DCC: variants seen among roughly 807,000 people sequenced by gnomAD.
DCC encodes netrin receptor DCC.
DCC carries 58 observed loss-of-function variants against 172.5 expected under a neutral mutation model. That is an observed-to-expected ratio of 0.34 (90% CI 0.27 to 0.42). The LOEUF (loss-of-function observed/expected upper bound fraction) is 0.42, where lower values mean the gene tolerates loss of function less well. Among genes scored for constraint, DCC ranks in the 10% least tolerant of loss-of-function variants. The pLI, the probability that DCC is intolerant of heterozygous loss-of-function variation, is 1.00. For missense variants in DCC, 1,740 were observed against 1,791.0 expected (o/e 0.97, Z 0.51); for synonymous variants, 709 against 644.5 (o/e 1.10, Z -1.52).
At chr18:52,414,214 G>A (rs530728251) in intron 1 of DCC, among the ~76,000 whole-genome samples, 3 of 152,028 alleles carry the variant, frequency 2.0e-5, no homozygotes, top group African/African-American at 2.4e-5. Flanking sequence ...CCAAGTAGCT[G>A]GGAATACAGG....
chr18:53,253,318 A>C (rs949730290), intron 12 of DCC, among the ~76,000 whole-genome samples: 3 of 152,042 alleles, frequency 2.0e-5, no homozygotes, highest in African/African-American at 4.8e-5. Flanking sequence ...GCATTTCATA[A>C]GTATTATTTT....
chr18:52,683,325 A>T (rs1451852198), intron 1 of DCC, among the ~76,000 whole-genome samples: 2 of 152,096 alleles, frequency 1.3e-5, no homozygotes, highest in Admixed American at 6.6e-5. Flanking sequence ...AGGAGTGGGC[A>T]GTTGGTATTC....
chr18:52,423,355 C>G (rs1598806792), intron 1 of DCC, among the ~76,000 whole-genome samples: 2 of 152,180 alleles, frequency 1.3e-5, no homozygotes, highest in Middle Eastern at 3.4e-3. Flanking sequence ...GGGGTTGAAG[C>G]CTTGACTCTG....
rs1299690191 is a variant in DCC at position 52,958,729 on chromosome 18, A to AG, written c.985+33361dup. On this transcript the variant is annotated intron_variant, in intron 5 of 28. Transcript: ENST00000442544. The stretch of plus-strand genomic sequence containing the variant: ...TAACTCACCTGAGTGACAGATGAGG[A>AG]GGTGATATACTCAGCTGGAGAATAT... Among the ~76,000 whole-genome samples the AG allele has an allele frequency of 5.3e-5, 8 of 152,108 alleles. 1 individual carries two copies. Among genetic ancestry groups the AG allele is most frequent in the Admixed American group, 5.2e-4 (8 of 15,260 alleles).
Position 53,174,334 on chromosome 18 carries a change from C to T in DCC, c.1419-4628C>T, listed in dbSNP as rs1208097024. Among the ~76,000 whole-genome samples the T allele has an allele frequency of 4.0e-5, 6 of 149,726 alleles. No individual in the cohort carries two copies. In the East Asian group the frequency reaches 7.8e-4, roughly 20 times the overall value. On this transcript the variant is annotated intron_variant, in intron 8 of 28. Transcript: ENST00000442544. The stretch of plus-strand genomic sequence containing the variant: ...AGGCAAGAAATAACTAAAATCAGAG[C>T]AGAATTGAAGGAAATAGAGACACAA...
intron 1 of DCC, among the ~76,000 whole-genome samples, chr18:52,604,741 G>A (rs571881446): frequency 1.3e-5 from 2 of 152,200 alleles, no homozygotes; most frequent in South Asian, 4.1e-4. Flanking sequence ...AAGGAGAAGA[G>A]TATGAGGGAA....
chr18:53,374,011 T>C (rs922066443), intron 15 of DCC, among the ~76,000 whole-genome samples: 9 of 152,222 alleles, frequency 5.9e-5, no homozygotes, highest in African/African-American at 2.2e-4. Context: ...TTACACTGAA[T>C]CTGCTTCATC....
At chr18:52,545,499 T>C (rs1479863330) in intron 1 of DCC, among the ~76,000 whole-genome samples, 1 of 152,178 alleles carries the variant, frequency 6.6e-6, no homozygotes, top group African/African-American at 2.4e-5. Context: ...CCAGAACTTT[T>C]GTTATGGGAA....
intron 5 of DCC, among the ~76,000 whole-genome samples, chr18:52,970,110 T>C (rs2041005889): frequency 6.6e-6 from 1 of 152,172 alleles, no homozygotes; most frequent in African/African-American, 2.4e-5. Flanking sequence ...TACATATAAA[T>C]CTTAAATGCT....
At position 53,516,702 on chromosome 18, in the gene DCC, T is replaced by C. The variant is rs866335944; in HGVS notation, c.4112-9915T>C. On this transcript the variant is annotated intron_variant, in intron 27 of 28. Transcript: ENST00000442544. ...GCCAAAAAACACATGAAAAAATGCT[T>C]ATCATCACTGGCCATCAGAGAAATG... 5.5e-3 allele frequency among the ~76,000 whole-genome samples: 819 copies of C among 148,602 alleles called. 10 individuals are homozygous for C. The highest frequency in any genetic ancestry group is 0.01 in the Middle Eastern group (3 of 292).
At chr18:53,118,068 T>C (rs991337132) in intron 7 of DCC, among the ~76,000 whole-genome samples, 5 of 151,734 alleles carry the variant, frequency 3.3e-5, no homozygotes, top group Admixed American at 1.3e-4. Context: ...TGATGGGGAG[T>C]TGATTACACA....
At chr18:52,775,531 G>A (rs1486491166) in intron 2 of DCC, among the ~76,000 whole-genome samples, 1 of 152,228 alleles carries the variant, frequency 6.6e-6, no homozygotes, top group African/African-American at 2.4e-5. Flanking sequence ...AGCCAATGGG[G>A]GAGCCAGAAG....
At chr18:53,254,602 A>C (rs556317712) in intron 12 of DCC, among the ~76,000 whole-genome samples, 1 of 152,022 alleles carries the variant, frequency 6.6e-6, no homozygotes, top group African/African-American at 2.4e-5. Context: ...GTGACACTCT[A>C]TAAAAATATA....
chr18:53,200,028 C>T (rs1014206188), intron 9 of DCC, among the ~76,000 whole-genome samples: 7 of 152,154 alleles, frequency 4.6e-5, no homozygotes, highest in Non-Finnish European at 1.0e-4. Flanking sequence ...CGAATGTTCT[C>T]ATTTGGCTGG....
At chr18:53,500,346 T>C (rs1350526013) in intron 27 of DCC, among the ~76,000 whole-genome samples, 1 of 152,154 alleles carries the variant, frequency 6.6e-6, no homozygotes, top group African/African-American at 2.4e-5. Flanking sequence ...AGAATAATTC[T>C]TAAAATCCTC....
intron 1 of DCC, among the ~76,000 whole-genome samples, chr18:52,728,947 T>C (rs112618603): frequency 0.019 from 2,845 of 152,264 alleles, 36 homozygotes; most frequent in Non-Finnish European, 0.029. Context: ...GAAATATTAA[T>C]GGGCTCTGAA....
At chr18:52,795,619 T>C (rs2037859959) in intron 2 of DCC, among the ~76,000 whole-genome samples, 1 of 151,992 alleles carries the variant, frequency 6.6e-6, no homozygotes. Context: ...CTAATTTTTG[T>C]TATTTCATTT....
intron 13 of DCC, among the ~76,000 whole-genome samples, chr18:53,312,016 T>G (rs1394110519): frequency 6.6e-6 from 1 of 151,858 alleles, no homozygotes; most frequent in East Asian, 1.9e-4. Context: ...ACTTAAAGAT[T>G]ACCATACAGT....
chr18:52,677,013 A>G (rs2035656844), intron 1 of DCC, among the ~76,000 whole-genome samples: 1 of 152,180 alleles, frequency 6.6e-6, no homozygotes, highest in African/African-American at 2.4e-5. Flanking sequence ...CTTGAACATA[A>G]TAAATCCTCT....
Sources: allele counts gnomAD v4.1 joint callset (sites outside exome capture counted in the v4.1 genomes callset), GRCh38; gene constraint gnomAD v4.1.1; transcripts MANE v1.5; gene names NCBI Gene and HGNC (gene_info 2026-07-23, HGNC 2026-07-21).